Variants in MAPKAP1 observed in about 807,000 individuals in gnomAD.
MAPKAP1 encodes the protein target of rapamycin complex 2 subunit MAPKAP1.
A neutral mutation model predicts 65.7 loss-of-function variants in MAPKAP1; 20 were observed. The observed-to-expected ratio is 0.30, with a 90% CI of 0.21 to 0.44. MAPKAP1 has a LOEUF of 0.44. Among genes scored for constraint, MAPKAP1 ranks in the 20% least tolerant of loss-of-function variants. The probability of loss-of-function intolerance (pLI) is 1.00; values close to 1 mark genes in which losing one functional copy is unlikely to be tolerated. For synonymous variants in MAPKAP1, 222 were observed against 244.3 expected (o/e 0.91, Z 0.85); for missense variants, 423 against 648.0 (o/e 0.65, Z 3.77).
At chr9:125,564,432 CCTTT>C (rs1830987208) in intron 5 of MAPKAP1, among the ~76,000 whole-genome samples, 1 of 152,088 alleles carries the variant, frequency 6.6e-6, no homozygotes, top group Admixed American at 6.5e-5. Flanking sequence ...CTTTTATTTT[CCTTT>C]CTTTATAAAA....
intron 9 of MAPKAP1, chr9:125,471,297 TC>T (rs1853912912): frequency 6.6e-6 from 1 of 152,452 alleles, no homozygotes; most frequent in Non-Finnish European, 1.5e-5. Context: ...GGCCTCTCTG[TC>T]CTTGGCTTCG....
chr9:125,580,246 C>T (rs1831576281), intron 5 of MAPKAP1, among the ~76,000 whole-genome samples: 1 of 152,166 alleles, frequency 6.6e-6, no homozygotes, highest in Non-Finnish European at 1.5e-5. Flanking sequence ...CATGTGTTTA[C>T]TGTGGCACTA....
intron 4 of MAPKAP1, among the ~76,000 whole-genome samples, chr9:125,614,517 G>C (rs976571361): frequency 3.3e-5 from 5 of 152,112 alleles, no homozygotes; most frequent in Non-Finnish European, 5.9e-5. Context: ...CCAGCTACTT[G>C]GGAGGCTAGG....
chr9:125,630,220 G>A (rs921103269), intron 4 of MAPKAP1, among the ~76,000 whole-genome samples: 21 of 152,148 alleles, frequency 1.4e-4, no homozygotes, highest in Admixed American at 7.9e-4. Context: ...CGACTTCCCC[G>A]GCTCAACCGA....
intron 1 of MAPKAP1, among the ~76,000 whole-genome samples, chr9:125,695,314 T>C (rs544391845): frequency 1.1e-4 from 16 of 152,222 alleles, no homozygotes; most frequent in Non-Finnish European, 2.1e-4. Context: ...TCTATCAATA[T>C]AGTGAAATGC....
At chr9:125,589,962 T>TCC (rs1831904623) in intron 4 of MAPKAP1, among the ~76,000 whole-genome samples, 1 of 152,254 alleles carries the variant, frequency 6.6e-6, no homozygotes, top group Non-Finnish European at 1.5e-5. Context: ...ACAAGTGTTT[T>TCC]GGCCTTGTCG....
intron 4 of MAPKAP1, among the ~76,000 whole-genome samples, chr9:125,632,425 A>G (rs1323315829): frequency 6.6e-6 from 1 of 152,206 alleles, no homozygotes; most frequent in Non-Finnish European, 1.5e-5. Flanking sequence ...AAATGAATGC[A>G]TGAGTTTTCC....
chr9:125,606,002 T>C (rs575503196), intron 4 of MAPKAP1, among the ~76,000 whole-genome samples: 45 of 152,360 alleles, frequency 3.0e-4, no homozygotes, highest in African/African-American at 1.0e-3. Context: ...GATCACTCTC[T>C]TTGAAATTGA....
chr9:125,442,353 C>T (rs114036737), intron 11 of MAPKAP1, among the ~76,000 whole-genome samples: 4,599 of 152,076 alleles, frequency 0.03, 87 homozygotes, highest in South Asian at 0.057. Context: ...GCATCTGCTT[C>T]GAGGGAGCAT....
chr9:125,624,643 C>A (rs1833039401), intron 4 of MAPKAP1, among the ~76,000 whole-genome samples: 1 of 70,544 alleles, frequency 1.4e-5, no homozygotes, highest in Non-Finnish European at 3.0e-5. Flanking sequence ...GCCCGGCCAG[C>A]CGCCCCGTCC....
At chr9:125,494,780 CTTTTTCT>C (rs1854879236) in intron 8 of MAPKAP1, among the ~76,000 whole-genome samples, 1 of 152,150 alleles carries the variant, frequency 6.6e-6, no homozygotes, top group Non-Finnish European at 1.5e-5. Flanking sequence ...GGACTAACTC[CTTTTTCT>C]TCTTACTCAA....
intron 1 of MAPKAP1, among the ~76,000 whole-genome samples, chr9:125,686,144 G>A (rs149697026): frequency 0.02 from 3,027 of 151,818 alleles, 106 homozygotes; most frequent in African/African-American, 0.07. Flanking sequence ...GTGAAACCCC[G>A]TCTCTACTAA....
intron 10 of MAPKAP1, chr9:125,451,042 T>C (rs1038848473): frequency 2.0e-5 from 3 of 152,328 alleles, no homozygotes; most frequent in African/African-American, 7.2e-5. Flanking sequence ...GCCGGGGATG[T>C]GCCTGACCTA....
At chr9:125,545,599 C>T (rs1367122165) in intron 6 of MAPKAP1, among the ~76,000 whole-genome samples, 1 of 152,210 alleles carries the variant, frequency 6.6e-6, no homozygotes, top group East Asian at 1.9e-4. Context: ...TGCTTACGTT[C>T]CCTCCTAATC....
intron 1 of MAPKAP1, among the ~76,000 whole-genome samples, chr9:125,701,953 T>C (rs1277215378): frequency 6.6e-6 from 1 of 152,222 alleles, no homozygotes; most frequent in African/African-American, 2.4e-5. Context: ...ATCAAAACAT[T>C]GTATTGTATA....
chr9:125,512,727 G>A (rs1201406411), intron 7 of MAPKAP1, among the ~76,000 whole-genome samples: 1 of 151,700 alleles, frequency 6.6e-6, no homozygotes, highest in African/African-American at 2.4e-5. Context: ...GACTACAGGC[G>A]CCCGCCACCA....
chr9:125,573,463 A>G, intron 5 of MAPKAP1, among the ~76,000 whole-genome samples: 1 of 152,242 alleles, frequency 6.6e-6, no homozygotes, highest in Non-Finnish European at 1.5e-5. Context: ...CCCCTTGTTT[A>G]GCATATCAGC....
intron 4 of MAPKAP1, among the ~76,000 whole-genome samples, chr9:125,604,109 CT>C (rs1004804806): frequency 2.2e-4 from 33 of 152,200 alleles, no homozygotes; most frequent in African/African-American, 8.0e-4. Flanking sequence ...ACCAAACTGC[CT>C]TCTGGTTCCA....
chr9:125,669,665 G>A (rs1272480393), intron 3 of MAPKAP1, among the ~76,000 whole-genome samples, 153 bp downstream of exon 3: 1 of 151,924 alleles, frequency 6.6e-6, no homozygotes, highest in Admixed American at 6.6e-5. Flanking sequence ...AGCTTCAGAG[G>A]GTCAAGGCAC....
Sources: gnomAD v4.1 joint callset for allele counts (sites outside exome capture counted in the v4.1 genomes callset) on GRCh38, gnomAD v4.1.1 for gene constraint, MANE v1.5 for transcripts, NCBI Gene and HGNC (gene_info 2026-07-23, HGNC 2026-07-21) for gene names.